ZDHHC11: variants seen among roughly 807,000 people sequenced by gnomAD.
ZDHHC11 encodes the protein palmitoyltransferase ZDHHC11.
In ZDHHC11, 44 loss-of-function variants were observed where a neutral mutation model predicts 51.3. The observed-to-expected ratio is 0.86, with a 90% confidence interval of 0.67 to 1.10. The LOEUF is 1.10. Ranked by LOEUF, ZDHHC11 falls within the 50% of genes least tolerant of loss-of-function variation. ZDHHC11 has a pLI of 0.00. For synonymous variants in ZDHHC11, 163 were observed against 222.0 expected (o/e 0.73, Z 2.36); for missense variants, 400 against 537.7 (o/e 0.74, Z 2.53).
At chr5:851,936 A>T (rs545614800), upstream of ZDHHC11, among the ~76,000 whole-genome samples, 5 of 152,152 alleles carry the variant, frequency 3.3e-5, no homozygotes, top group African/African-American at 1.2e-4. Context: ...CATGCCTCTA[A>T]TCCCAGCTAC....
intron 7 of ZDHHC11, among the ~76,000 whole-genome samples, chr5:827,191 C>T (rs1349576797): frequency 6.7e-6 from 1 of 149,222 alleles, no homozygotes; most frequent in African/African-American, 2.4e-5. Context: ...GAGAACTAGC[C>T]ACTAATAAGT....
chr5:852,691 A>C (rs1375315788), upstream of ZDHHC11, among the ~76,000 whole-genome samples: 747 of 84,520 alleles, frequency 8.8e-3, no homozygotes, highest in Middle Eastern at 0.043. Flanking sequence ...GGGACAGACC[A>C]CACGGAGGAC....
chr5:850,739 G>A lies in ZDHHC11; in HGVS notation c.-137C>T, dbSNP rs1747079602. On this transcript the variant is annotated 5_prime_UTR_variant, in exon 1 of 13. The change creates a premature stop within an existing upstream ORF in the 5' untranslated region. Coordinates refer to ENST00000283441, the MANE Select transcript of ZDHHC11 (RefSeq NM_024786.3). ...GACAGCCAATGGCCCAGCACTGCCT[G>A]GGGCCACGTTCCCCGCAGAGGGAGC... is the stretch of plus-strand genomic sequence containing the variant. 1.9e-6 allele frequency: 2 copies of A among 1,077,538 alleles called. No individual in the cohort carries two copies. Among genetic ancestry groups the A allele is most frequent in the Non-Finnish European group, 2.6e-6 (2 of 755,836 alleles). The allele number at this position is 1,077,538 out of a possible 1,614,324, so 66.7% of individuals were successfully genotyped here. A position where few individuals can be genotyped will look rare whatever the true frequency, so the allele number is the denominator to read the frequency against.
In ZDHHC11 at chr5:850,203, G is replaced by A. The variant is rs1473835731; in HGVS notation, c.222+178C>T. ...GCTGTCCTGTCCTGACCCTAAGCAG[G>A]GGCTGCACAGAGCATGAGTGGCCAC... On this transcript the variant is annotated intron_variant, in intron 1 of 12. Transcript: ENST00000283441. 11 of 699,156 alleles carry A rather than the reference G, an allele frequency of 1.6e-5. No individual in the cohort carries two copies. The African/African-American group carries it at 1.6e-4, about 10-fold the overall frequency. The allele number at this position is 699,156 out of a possible 1,614,324, so 43.3% of individuals were successfully genotyped here.
Position 845,550 on chromosome 5 carries a change from G to A in ZDHHC11, c.504-1826C>T, listed in dbSNP as rs569946915. 9.2e-5 allele frequency among the ~76,000 whole-genome samples: 14 copies of A among 152,092 alleles called. No homozygotes were observed. The East Asian group carries it at 1.5e-3, about 17-fold the overall frequency. Reference sequence around the variant, plus strand: ...CTCACAGTCTTCCCAGGACACCAGCGCCGCCTGCCTTCTTTCCGTCCCCCT... The same window carrying A: ...CTCACAGTCTTCCCAGGACACCAGCACCGCCTGCCTTCTTTCCGTCCCCCT... On this transcript the variant is annotated intron_variant, in intron 3 of 12. Coordinates refer to ENST00000283441, the MANE Select transcript of ZDHHC11 (RefSeq NM_024786.3).
At chr5:857,875 C>G (rs1025930458) in intron 1 of ZDHHC11, among the ~76,000 whole-genome samples, 3 of 151,174 alleles carry the variant, frequency 2.0e-5, no homozygotes, top group South Asian at 4.2e-4. Flanking sequence ...CTGTCCTGGT[C>G]CCCGTCCTGT....
intron 12 of ZDHHC11, among the ~76,000 whole-genome samples, chr5:798,900 C>A (rs199689937): frequency 0.017 from 2,486 of 142,730 alleles, 21 homozygotes; most frequent in African/African-American, 0.066. Flanking sequence ...AAAGAGCATG[C>A]AAATGATAAA....
At chr5:803,042 A>G (rs1738717151) in intron 11 of ZDHHC11, among the ~76,000 whole-genome samples, 1 of 149,984 alleles carries the variant, frequency 6.7e-6, no homozygotes, top group African/African-American at 2.4e-5. Flanking sequence ...AGAAAAAGAA[A>G]GGAGAAGCTG....
intron 11 of ZDHHC11, among the ~76,000 whole-genome samples, chr5:802,354 C>A (rs1482881498): frequency 6.6e-6 from 1 of 150,904 alleles, no homozygotes; most frequent in African/African-American, 2.4e-5. Flanking sequence ...CCAAACGAAT[C>A]CAAAAATTAC....
rs1379656358 is a variant in ZDHHC11 at position 836,352 on chromosome 5, CTGGAGTGATATCACT to C, written c.900+998_900+1012del. 4.0e-5 allele frequency among the ~76,000 whole-genome samples: 6 copies of C among 150,558 alleles called. 1 individual carries two copies. The highest frequency in any genetic ancestry group is 1.2e-4 in the African/African-American group (5 of 40,962). ...CTAGGCCTTAAGCCACTGCTTACCC[CTGGAGTGATATCACT>C]TGGCCACAGTGCACATTCCTGCCCC... On this transcript the variant is annotated intron_variant, in intron 6 of 12. Coordinates refer to ENST00000283441, the MANE Select transcript of ZDHHC11 (RefSeq NM_024786.3).
At chr5:799,329 G>A (rs1383794846) in intron 12 of ZDHHC11, among the ~76,000 whole-genome samples, 1 of 150,964 alleles carries the variant, frequency 6.6e-6, no homozygotes, top group African/African-American at 2.4e-5. Context: ...GCTGTTAGTG[G>A]AAGAAGGCTG....
intron 6 of ZDHHC11, among the ~76,000 whole-genome samples, chr5:835,684 T>C (rs1336052040): frequency 6.6e-6 from 1 of 152,050 alleles, no homozygotes; most frequent in Non-Finnish European, 1.5e-5. Context: ...TAGATAAGTT[T>C]TGGGGAAAAT....
chr5:799,285 T>C (rs1738070076), intron 12 of ZDHHC11, among the ~76,000 whole-genome samples: 1 of 151,580 alleles, frequency 6.6e-6, no homozygotes, highest in African/African-American at 2.4e-5. Context: ...TCTCTCCATG[T>C]GATCTCTGCA....
At chr5:847,447 A>T in intron 3 of ZDHHC11, 67 bp downstream of exon 3, 1 of 1,541,936 alleles carries the variant, frequency 6.5e-7, no homozygotes, top group East Asian at 2.3e-5. Context: ...ACCCCTGCCC[A>T]CAGACCCCTC....
rs574706147 is a variant in ZDHHC11, at chr5:799,601, G to A, written c.*7+1499C>T. 1.7e-4 allele frequency among the ~76,000 whole-genome samples: 26 copies of A among 151,104 alleles called. 1 individual carries two copies. The highest frequency in any genetic ancestry group is 1.1e-3 in the South Asian group (5 of 4,750). ...CAGATTATTTGCAAGTTGATGCTTC[G>A]GCCAAGCGTCCAGCTCCACTTCTCA... On this transcript the variant is annotated intron_variant, in intron 12 of 12. Coordinates refer to ENST00000283441, the MANE Select transcript of ZDHHC11 (RefSeq NM_024786.3).
intron 4 of ZDHHC11, chr5:841,248 C>G (rs1004948260): frequency 1.9e-6 from 2 of 1,033,676 alleles, no homozygotes; most frequent in African/African-American, 3.5e-5. Flanking sequence ...GCCCCAGCAC[C>G]CATCCTTTCC....
chr5:828,229 C>G (rs1473394287), intron 7 of ZDHHC11, among the ~76,000 whole-genome samples: 1 of 151,374 alleles, frequency 6.6e-6, no homozygotes, highest in African/African-American at 2.4e-5. Flanking sequence ...GTCATCATGG[C>G]CCGTTCTCAG....
At chr5:808,507 T>C (rs1368193650) in intron 11 of ZDHHC11, among the ~76,000 whole-genome samples, 3 of 148,390 alleles carry the variant, frequency 2.0e-5, no homozygotes, top group Non-Finnish European at 4.5e-5. Context: ...TGCATGTGTC[T>C]CCAACACACT....
intron 3 of ZDHHC11, among the ~76,000 whole-genome samples, chr5:844,999 C>T (rs1278167556): frequency 6.6e-6 from 1 of 152,300 alleles, no homozygotes; most frequent in Non-Finnish European, 1.5e-5. Context: ...GTATTATGTT[C>T]ACCTAAGCTT....
Sources: gnomAD v4.1 joint callset for allele counts (sites outside exome capture counted in the v4.1 genomes callset) on GRCh38, gnomAD v4.1.1 for gene constraint, MANE v1.5 for transcripts, NCBI Gene and HGNC (gene_info 2026-07-23, HGNC 2026-07-21) for gene names.